The following SPAG9 variants were observed in gnomAD, a reference collection of about 807,000 sequenced individuals.
The protein encoded by SPAG9 is C-Jun-amino-terminal kinase-interacting protein 4.
A neutral mutation model predicts 166.5 loss-of-function variants in SPAG9; 35 were observed. The observed-to-expected ratio is 0.21, with a 90% CI of 0.16 to 0.28. The LOEUF (loss-of-function observed/expected upper bound fraction) is 0.28. Ranked by LOEUF, SPAG9 falls within the 10% of genes least tolerant of loss-of-function variation. SPAG9 has a pLI of 1.00. For synonymous variants in SPAG9, 534 were observed against 565.5 expected (o/e 0.94, Z 0.79); for missense variants, 1,235 against 1,603.3 (o/e 0.77, Z 3.92).
At chr17:50,972,800 T>C (rs1973926143) in intron 28 of SPAG9, among the ~76,000 whole-genome samples, 1 of 152,274 alleles carries the variant, frequency 6.6e-6, no homozygotes, top group African/African-American at 2.4e-5. Context: ...CAATGACTTC[T>C]GTTGGTAGAC....
intron 1 of SPAG9, among the ~76,000 whole-genome samples, chr17:51,113,691 AAAC>A (rs903710400): frequency 4.6e-5 from 7 of 151,450 alleles, no homozygotes; most frequent in East Asian, 1.9e-4. Flanking sequence ...AAAAAAAAAA[AAAC>A]AACAACAACA....
In SPAG9 at chr17:50,965,990, CATCTGGATTGCTTTCT is replaced by C; in HGVS notation, c.*266_*281del. 6.0e-6 allele frequency: 2 copies of C among 331,356 alleles called. No individual in the cohort carries two copies. Among genetic ancestry groups the C allele is most frequent in the Non-Finnish European group, 1.2e-5 (2 of 171,836 alleles). 20.5% of individuals were successfully genotyped at this position (331,356 alleles called of 1,614,324 possible). On this transcript the variant is annotated 3_prime_UTR_variant, in exon 30 of 30. Transcript: ENST00000262013. ...CATTAGACTGTGGCAGAGTAAACCA[CATCTGGATTGCTTTCT>C]ATAATTCACCAGTTTGCAGGAAGTA...
intron 1 of SPAG9, among the ~76,000 whole-genome samples, chr17:51,090,528 C>T (rs1306390264): frequency 6.6e-6 from 1 of 152,068 alleles, no homozygotes; most frequent in Non-Finnish European, 1.5e-5. Context: ...TACATTCATC[C>T]ATCTTTTCAA....
chr17:51,082,643 G>C (rs1010877251), intron 1 of SPAG9, among the ~76,000 whole-genome samples: 3 of 151,898 alleles, frequency 2.0e-5, no homozygotes, highest in African/African-American at 7.3e-5. Context: ...AATAAATGAA[G>C]AAAATTTTCC....
At chr17:51,076,024 G>A (rs1478520098) in intron 2 of SPAG9, among the ~76,000 whole-genome samples, 1 of 151,994 alleles carries the variant, frequency 6.6e-6, no homozygotes. Flanking sequence ...GAATCCAGGA[G>A]GCAGAGGTTG....
At chr17:51,020,090 G>A (rs2045880808) in intron 8 of SPAG9, 69 bp downstream of exon 8, 1 of 867,810 alleles carries the variant, frequency 1.2e-6, no homozygotes, top group African/African-American at 1.7e-5. Context: ...TCCAGAGACT[G>A]GAGAACAGTG....
chr17:50,971,595 G>A (rs1467348582), intron 28 of SPAG9, among the ~76,000 whole-genome samples: 1 of 149,548 alleles, frequency 6.7e-6, no homozygotes, highest in Non-Finnish European at 1.5e-5. Context: ...AGCCTCCTGA[G>A]TGGCTGGGAC....
chr17:51,112,608 T>C (rs1159639940), intron 1 of SPAG9, among the ~76,000 whole-genome samples: 25 of 139,128 alleles, frequency 1.8e-4, no homozygotes, highest in Non-Finnish European at 1.5e-5. Context: ...GTGGTGGAGG[T>C]TGCAGCAAGC....
chr17:50,964,642 G>A lies in SPAG9; in HGVS notation c.*1630C>T. Reference sequence around the variant, plus strand: ...TTGCCTAGAGTAATAGATAAAAAAGGGTAAATCACACATTTTCAAGAAGCT... The same window carrying A: ...TTGCCTAGAGTAATAGATAAAAAAGAGTAAATCACACATTTTCAAGAAGCT... On this transcript the variant is annotated 3_prime_UTR_variant, in exon 30 of 30. Coordinates refer to ENST00000262013, the MANE Select transcript of SPAG9 (RefSeq NM_001130528.3). 2.6e-6 allele frequency: 1 copy of A among 385,968 alleles called. No homozygotes were observed. The highest frequency in any genetic ancestry group is 5.2e-6 in the Non-Finnish European group (1 of 193,286). The allele number at this position is 385,968 out of a possible 1,614,324, so 23.9% of individuals were successfully genotyped here.
chr17:51,013,651 A>G (rs539971905), intron 9 of SPAG9, among the ~76,000 whole-genome samples: 26 of 152,322 alleles, frequency 1.7e-4, no homozygotes, highest in African/African-American at 6.0e-4. Context: ...AGGTTAAGAC[A>G]CTTGGCAAAG....
At chr17:51,064,561 C>A (rs529173974) in intron 2 of SPAG9, among the ~76,000 whole-genome samples, 1 of 152,078 alleles carries the variant, frequency 6.6e-6, no homozygotes, top group Non-Finnish European at 1.5e-5. Context: ...CATGAATGAA[C>A]CTTTATGCTA....
At chr17:51,030,769 T>G (rs2046354054) in intron 6 of SPAG9, 1 of 152,176 alleles carries the variant, frequency 6.6e-6, no homozygotes, top group Non-Finnish European at 1.5e-5. Flanking sequence ...CTGAGTATAT[T>G]TCAAAGGAAG....
chr17:51,088,578 C>T (rs541745123), intron 1 of SPAG9, among the ~76,000 whole-genome samples: 1 of 152,058 alleles, frequency 6.6e-6, no homozygotes, highest in Non-Finnish European at 1.5e-5. Context: ...GGGCAGATCA[C>T]GAGATCAGGA....
chr17:51,013,861 G>A (rs892294657), intron 9 of SPAG9, among the ~76,000 whole-genome samples: 7 of 151,248 alleles, frequency 4.6e-5, no homozygotes, highest in Non-Finnish European at 8.8e-5. Context: ...TGTAAGCCAG[G>A]GGATAACTAG....
At chr17:50,975,548 T>C (rs1974149169) in intron 27 of SPAG9, among the ~76,000 whole-genome samples, 4 of 152,136 alleles carry the variant, frequency 2.6e-5, no homozygotes, top group African/African-American at 7.2e-5. Flanking sequence ...ATGAAAGAAA[T>C]ATGATCGGTA....
chr17:51,106,147 A>ACACACACACACC (rs2048943968), intron 1 of SPAG9, among the ~76,000 whole-genome samples: 1 of 143,444 alleles, frequency 7.0e-6, no homozygotes, highest in African/African-American at 2.6e-5. Flanking sequence ...ACACACACAC[A>ACACACACACACC]CACACACTAG....
chr17:51,014,311 A>T lies in SPAG9; in HGVS notation c.1134T>A (p.Asn378Lys). The T allele has an allele frequency of 6.2e-7, 1 of 1,613,746 alleles. No individual in the cohort carries two copies. The highest frequency in any genetic ancestry group is 8.5e-7 in the Non-Finnish European group (1 of 1,179,702). ...KGIENKAFDR[N>K]TESLFEELSS... is the part of the protein sequence containing the mutation. Reference sequence around the variant, plus strand: ...ACAGTTCTTCAAAGAGAGATTCTGTATTGCGATCAAAAGCTTTGTTCTCTA... The same window carrying T: ...ACAGTTCTTCAAAGAGAGATTCTGTTTTGCGATCAAAAGCTTTGTTCTCTA... The change falls in exon 9 of 30, where the codon AAT (asparagine) becomes AAA (lysine). Residue 378 changes from asparagine to lysine, a missense_variant. This residue lies in a region of SPAG9 where 288 missense variants were observed against 323.7 expected (regional missense o/e 0.89). Transcript: ENST00000262013.
Sources: gnomAD v4.1 joint callset for allele counts (sites outside exome capture counted in the v4.1 genomes callset) on GRCh38, gnomAD v4.1.1 for gene constraint, gnomAD v4.1.1 regional missense constraint, MANE v1.5 for transcripts, NCBI Gene and HGNC (gene_info 2026-07-23, HGNC 2026-07-21) for gene names.